PDE1C: variants seen among roughly 807,000 people sequenced by gnomAD.
PDE1C encodes dual specificity calcium/calmodulin-dependent 3',5'-cyclic nucleotide phosphodiesterase 1C.
PDE1C carries 62 observed loss-of-function variants against 93.1 expected under a neutral mutation model. The observed-to-expected ratio is 0.67, with a 90% CI of 0.54 to 0.82. PDE1C has a LOEUF of 0.82. PDE1C is among the 40% of genes least tolerant of loss of function. PDE1C has a pLI of 0.00. For synonymous variants in PDE1C, 325 were observed against 310.1 expected, an observed-to-expected ratio of 1.05 and a Z score of -0.50; for missense variants, 742 against 884.6, an observed-to-expected ratio of 0.84 and a Z score of 2.04.
At chr7:32,142,613 C>T (rs1188866094) in intron 3 of PDE1C, among the ~76,000 whole-genome samples, 1 of 152,112 alleles carries the variant, frequency 6.6e-6, no homozygotes, top group Admixed American at 6.5e-5. Flanking sequence ...TGCACCACTT[C>T]CCAGGCTAGC....
At chr7:32,036,280 G>C (rs904509601) in intron 2 of PDE1C, among the ~76,000 whole-genome samples, 1 of 152,132 alleles carries the variant, frequency 6.6e-6, no homozygotes, top group Non-Finnish European at 1.5e-5. Context: ...GGGTTTACTA[G>C]GTAACAATAG....
intron 9 of PDE1C, among the ~76,000 whole-genome samples, chr7:31,842,030 T>C (rs554366890): frequency 6.6e-6 from 1 of 152,134 alleles, no homozygotes; most frequent in South Asian, 2.1e-4. Context: ...CAATCTGCTT[T>C]ACTCAGTCTA....
chr7:32,043,476 CT>C (rs1193211956), intron 2 of PDE1C, among the ~76,000 whole-genome samples: 1 of 152,142 alleles, frequency 6.6e-6, no homozygotes, highest in Non-Finnish European at 1.5e-5. Context: ...GCACTTCGGT[CT>C]TATTAGGCAA....
intron 17 of PDE1C, among the ~76,000 whole-genome samples, chr7:31,762,509 T>G (rs971430205): frequency 2.3e-4 from 35 of 151,984 alleles, no homozygotes; most frequent in African/African-American, 8.2e-4. Context: ...CTAGATAATT[T>G]TTGTATTTTT....
intron 3 of PDE1C, among the ~76,000 whole-genome samples, chr7:32,109,632 T>C (rs2893410): frequency 0.35 from 53,591 of 151,980 alleles, 9,969 homozygotes; most frequent in African/African-American, 0.47. Flanking sequence ...CAAAACTGTC[T>C]GCAGCTGAGA....
chr7:31,926,669 C>T (rs945605792), intron 2 of PDE1C, among the ~76,000 whole-genome samples: 1 of 152,132 alleles, frequency 6.6e-6, no homozygotes, highest in Non-Finnish European at 1.5e-5. Flanking sequence ...CATCGCCTCA[C>T]CTGGGAAAGT....
At chr7:32,006,429 C>T (rs541677022) in intron 2 of PDE1C, among the ~76,000 whole-genome samples, 4 of 152,208 alleles carry the variant, frequency 2.6e-5, no homozygotes, top group South Asian at 2.1e-4. Flanking sequence ...TTTACAGGAA[C>T]GAAATGTTTC....
In PDE1C at chr7:32,246,687, C is replaced by A. The variant is rs747290850; in HGVS notation, c.86-37148G>T. Reference sequence around the variant, plus strand: ...CATGAAGAACAGAGGCTCTGGAGTCCAACAGATACAAGTTCAAACACTGGC... The same window carrying A: ...CATGAAGAACAGAGGCTCTGGAGTCAAACAGATACAAGTTCAAACACTGGC... On this transcript the variant is annotated intron_variant, in intron 1 of 18. Coordinates refer to the PDE1C transcript ENST00000396193. Among the ~76,000 whole-genome samples, 61 of 152,198 alleles carry A rather than the reference C, an allele frequency of 4.0e-4. 1 individual carries two copies. Among genetic ancestry groups the A allele is most frequent in the East Asian group, 1.9e-4 (1 of 5,158 alleles).
At chr7:31,972,236 T>A (rs1811061334) in intron 2 of PDE1C, among the ~76,000 whole-genome samples, 1 of 152,214 alleles carries the variant, frequency 6.6e-6, no homozygotes, top group Non-Finnish European at 1.5e-5. Flanking sequence ...TAAAATATAG[T>A]TTGCAATTGC....
At chr7:31,759,767 A>G (rs1472305028) in intron 17 of PDE1C, among the ~76,000 whole-genome samples, 1 of 152,152 alleles carries the variant, frequency 6.6e-6, no homozygotes, top group Non-Finnish European at 1.5e-5. Context: ...TTAACTCTCA[A>G]TTGTTTAATT....
chr7:32,256,879 C>G (rs1213348372), intron 1 of PDE1C, among the ~76,000 whole-genome samples: 1 of 152,192 alleles, frequency 6.6e-6, no homozygotes, highest in Non-Finnish European at 1.5e-5. Flanking sequence ...ACTTCCAATC[C>G]AGTCTCCTAG....
chr7:31,977,643 A>G (rs139462091), intron 2 of PDE1C, among the ~76,000 whole-genome samples: 7 of 152,248 alleles, frequency 4.6e-5, no homozygotes, highest in Admixed American at 1.3e-4. Context: ...AATCACTACT[A>G]TCATAACACT....
At chr7:31,699,318 G>A in the PDE1C span, among the ~76,000 whole-genome samples, 1 of 152,144 alleles carries the variant, frequency 6.6e-6, no homozygotes, top group South Asian at 2.1e-4. Context: ...GACATGAAGG[G>A]TAATGCTGTT....
chr7:31,691,956 G>A, the PDE1C span, among the ~76,000 whole-genome samples: 498 of 152,254 alleles, frequency 3.3e-3, 3 homozygotes, highest in African/African-American at 0.011. Context: ...TTTAATAGAT[G>A]TGTGACTAAA....
the PDE1C span, among the ~76,000 whole-genome samples, chr7:31,673,489 A>G: frequency 1.2e-4 from 18 of 152,110 alleles, no homozygotes; most frequent in Non-Finnish European, 2.1e-4. Flanking sequence ...GGGATTCTAT[A>G]TTTGTTATGT....
the PDE1C span, among the ~76,000 whole-genome samples, chr7:31,706,848 T>C: frequency 1.3e-4 from 20 of 152,352 alleles, no homozygotes; most frequent in East Asian, 3.7e-3. Context: ...GAATGTGTTT[T>C]CTGGCCCAAC....
exon 1 of PDE1C, chr7:32,298,828 A>G (rs2128901426): frequency 6.8e-7 from 1 of 1,464,558 alleles, no homozygotes; most frequent in Admixed American, 2.4e-5. Flanking sequence ...CTCGGCGGCG[A>G]ATCCTCCCCC....
chr7:31,712,110 T>C, the PDE1C span, among the ~76,000 whole-genome samples: 1 of 152,248 alleles, frequency 6.6e-6, no homozygotes, highest in African/African-American at 2.4e-5. Context: ...TTCTCCATAG[T>C]TCCTACCTCT....
the PDE1C span, among the ~76,000 whole-genome samples, chr7:31,623,538 T>C: frequency 3.3e-5 from 5 of 151,730 alleles, no homozygotes; most frequent in Non-Finnish European, 5.9e-5. Flanking sequence ...GAAAAGGCCT[T>C]TGACAAAATT....
Sources: gnomAD v4.1 joint callset for allele counts (sites outside exome capture counted in the v4.1 genomes callset) on GRCh38, gnomAD v4.1.1 for gene constraint, MANE v1.5 for transcripts, NCBI Gene and HGNC (gene_info 2026-07-23, HGNC 2026-07-21) for gene names.